C5orf63: variants seen among roughly 807,000 people sequenced by gnomAD.
C5orf63 encodes chromosome 5 open reading frame 63.
A neutral mutation model predicts 13.3 loss-of-function variants in C5orf63; 18 were observed. The observed-to-expected ratio is 1.36, with a 90% CI of 0.94 to 2.01. The LOEUF (loss-of-function observed/expected upper bound fraction) is 2.01, where lower values mean the gene tolerates loss of function less well. Ranked by LOEUF, C5orf63 falls within the 30% of genes most tolerant of loss-of-function variation. C5orf63 has a pLI of 0.00. For synonymous variants in C5orf63, 38 were observed against 44.7 expected (o/e 0.85, Z 0.60); for missense variants, 118 against 127.7 (o/e 0.92, Z 0.36).
At chr5:127,049,317 A>G (rs948492965), downstream of C5orf63, among the ~76,000 whole-genome samples, 7 of 152,158 alleles carry the variant, frequency 4.6e-5, no homozygotes, top group Admixed American at 4.6e-4. Flanking sequence ...CTCCAGCCAC[A>G]CAAAGCCACC....
At chr5:127,046,888 G>A (rs1753532070), downstream of C5orf63, 1 of 152,334 alleles carries the variant, frequency 6.6e-6, no homozygotes, top group Non-Finnish European at 1.5e-5. Context: ...CTGTGAGCCA[G>A]GAGAGAACAA....
At chr5:127,070,423 C>G (rs1029841468) in intron 2 of C5orf63, among the ~76,000 whole-genome samples, 1 of 152,180 alleles carries the variant, frequency 6.6e-6, no homozygotes, top group Admixed American at 6.5e-5. Context: ...TCATTTGTTT[C>G]CAGTTGTAAC....
intron 1 of C5orf63, among the ~76,000 whole-genome samples, chr5:127,072,322 CGT>C (rs10588323): frequency 0.03 from 4,627 of 152,144 alleles, 92 homozygotes; most frequent in African/African-American, 0.047. Flanking sequence ...CTTTTTTCCC[CGT>C]GTTTTAAATC....
intron 2 of C5orf63, among the ~76,000 whole-genome samples, chr5:127,061,173 G>A (rs1262582799): frequency 6.6e-6 from 1 of 152,078 alleles, no homozygotes; most frequent in Non-Finnish European, 1.5e-5. Flanking sequence ...TACTGCAACT[G>A]GTTCTAACTC....
rs144067326 is a variant in C5orf63 at position 127,051,929 on chromosome 5, T to C, written c.190A>G (p.Asn64Asp). The change falls in exon 5 of 5, where the codon AAC (asparagine) becomes GAC (aspartate). Residue 64 changes from asparagine to aspartate, a missense_variant. Transcript: ENST00000296662. ...YENRFILQEV[N>D]ITLPENSVWY... ...ACAGAGTTTTCTGGAAGTGTGATGTTCACCTCCTGTAAAATGAACTGAAAC... is the reference window on the plus strand; with the variant it reads ...ACAGAGTTTTCTGGAAGTGTGATGTCCACCTCCTGTAAAATGAACTGAAAC... The C allele has an allele frequency of 4.6e-6, 7 of 1,512,848 alleles. No individual in the cohort carries two copies. The African/African-American group carries it at 9.7e-5, about 21-fold the overall frequency. 93.7% of individuals were successfully genotyped at this position (1,512,848 alleles called of 1,614,324 possible). A position where few individuals can be genotyped will look rare whatever the true frequency, so the allele number is the denominator to read the frequency against.
intron 2 of C5orf63, among the ~76,000 whole-genome samples, chr5:127,069,938 T>C (rs1223212685): frequency 1.3e-5 from 2 of 151,580 alleles, no homozygotes; most frequent in African/African-American, 2.4e-5. Context: ...CAATGGCATA[T>C]TTTTATATAT....
chr5:127,068,399 A>G (rs1296303002), intron 2 of C5orf63, among the ~76,000 whole-genome samples: 2 of 152,154 alleles, frequency 1.3e-5, no homozygotes, highest in Non-Finnish European at 2.9e-5. Context: ...TCTCACTCTC[A>G]ATCATAACTG....
intron 2 of C5orf63, among the ~76,000 whole-genome samples, chr5:127,061,184 C>G (rs550516213): frequency 6.6e-6 from 1 of 152,126 alleles, no homozygotes; most frequent in Non-Finnish European, 1.5e-5. Context: ...GTTCTAACTC[C>G]TTCACCACCA....
intron 2 of C5orf63, among the ~76,000 whole-genome samples, chr5:127,064,873 T>C (rs1754260393): frequency 6.6e-6 from 1 of 152,250 alleles, no homozygotes; most frequent in South Asian, 2.1e-4. Context: ...CTATTTGAAG[T>C]GTGGGCCTTG....
At chr5:127,050,081 G>T (rs1753620522), downstream of C5orf63, among the ~76,000 whole-genome samples, 1 of 152,206 alleles carries the variant, frequency 6.6e-6, no homozygotes, top group African/African-American at 2.4e-5. Flanking sequence ...TAACCAGAGA[G>T]AATTCTCTGC....
At chr5:127,063,665 A>C (rs1420737607) in intron 2 of C5orf63, among the ~76,000 whole-genome samples, 2 of 152,196 alleles carry the variant, frequency 1.3e-5, no homozygotes, top group African/African-American at 2.4e-5. Context: ...TATTTAACAG[A>C]TAATGTTGGA....
At chr5:127,061,725 C>T (rs1754114554) in intron 2 of C5orf63, among the ~76,000 whole-genome samples, 1 of 152,112 alleles carries the variant, frequency 6.6e-6, no homozygotes, top group African/African-American at 2.4e-5. Flanking sequence ...GGAGGAGGTA[C>T]AGAATTGTTA....
downstream of C5orf63, chr5:127,042,895 T>A (rs1471696842): frequency 1.3e-5 from 2 of 152,240 alleles, no homozygotes; most frequent in Non-Finnish European, 2.9e-5. Flanking sequence ...TTAGTTTTTT[T>A]TCAATGTTCA....
intron 1 of C5orf63, 158 bp downstream of exon 1, chr5:127,073,293 T>C (rs1173530389): frequency 6.6e-6 from 1 of 152,004 alleles, no homozygotes; most frequent in Admixed American, 6.6e-5. Flanking sequence ...CTCCCCCAAG[T>C]AGTTCATGGA....
At chr5:127,057,124 C>T (rs750524443) in intron 3 of C5orf63, among the ~76,000 whole-genome samples, 17 of 152,160 alleles carry the variant, frequency 1.1e-4, no homozygotes, top group Admixed American at 2.0e-4. Context: ...ATGGGTTTCC[C>T]ATCATAGACT....
chr5:127,058,172 T>G (rs907383189), intron 3 of C5orf63, among the ~76,000 whole-genome samples: 1 of 152,090 alleles, frequency 6.6e-6, no homozygotes, highest in Admixed American at 6.6e-5. Flanking sequence ...ATACACCTGA[T>G]AGGTAGTTTT....
At chr5:127,070,609 A>G (rs1377048279) in intron 2 of C5orf63, among the ~76,000 whole-genome samples, 2 of 152,246 alleles carry the variant, frequency 1.3e-5, no homozygotes, top group Admixed American at 6.5e-5. Flanking sequence ...GACTTAAAAT[A>G]GTGACCAGAC....
chr5:127,048,574 A>G (rs1753580335), downstream of C5orf63, among the ~76,000 whole-genome samples: 1 of 152,122 alleles, frequency 6.6e-6, no homozygotes, highest in South Asian at 2.1e-4. Flanking sequence ...TCCCAGGTCT[A>G]TAATAATCCT....
chr5:127,059,151 G>A (rs1754002505), intron 2 of C5orf63, 149 bp from the exon 3 acceptor site: 6 of 623,568 alleles, frequency 9.6e-6, no homozygotes, highest in Non-Finnish European at 1.7e-5. Flanking sequence ...CTATAAATTT[G>A]GCAAGTCTCT....
Sources: gnomAD v4.1 joint callset for allele counts (sites outside exome capture counted in the v4.1 genomes callset) on GRCh38, gnomAD v4.1.1 for gene constraint, MANE v1.5 for transcripts, NCBI Gene and HGNC (gene_info 2026-07-23, HGNC 2026-07-21) for gene names.